MAPRE2: variants seen among roughly 807,000 people sequenced by gnomAD.
The protein encoded by MAPRE2 is microtubule associated protein RP/EB family member 2.
Under a neutral mutation model 43.2 loss-of-function variants are expected in MAPRE2, and 13 were observed. The ratio of observed to expected loss-of-function variants is 0.30; its 90% CI spans 0.20 to 0.48. MAPRE2 has a LOEUF of 0.48. Among genes scored for constraint, MAPRE2 ranks in the 20% least tolerant of loss-of-function variants. The pLI is 0.99. For synonymous variants in MAPRE2, 135 were observed against 148.8 expected (o/e 0.91, Z 0.68); for missense variants, 161 against 400.2 (o/e 0.40, Z 5.10).
intron 2 of MAPRE2, among the ~76,000 whole-genome samples, chr18:35,007,881 C>G (rs2097032574): frequency 6.6e-6 from 1 of 152,032 alleles, no homozygotes; most frequent in Non-Finnish European, 1.5e-5. Flanking sequence ...AGATCCGCAA[C>G]CAAAAGTAAA....
intron 4 of MAPRE2, among the ~76,000 whole-genome samples, chr18:35,105,065 G>A (rs1406774026): frequency 6.6e-6 from 1 of 151,886 alleles, no homozygotes; most frequent in East Asian, 1.9e-4. Context: ...CTGTTACTAT[G>A]CTACCTTGGC....
chr18:35,116,099 C>A (rs982577710), intron 4 of MAPRE2, among the ~76,000 whole-genome samples: 1 of 152,092 alleles, frequency 6.6e-6, no homozygotes, highest in Non-Finnish European at 1.5e-5. Flanking sequence ...GTAATAGAGG[C>A]GAGTTCCTTC....
At chr18:35,051,286 G>A (rs1209162944) in intron 1 of MAPRE2, among the ~76,000 whole-genome samples, 4 of 152,196 alleles carry the variant, frequency 2.6e-5, no homozygotes, top group African/African-American at 9.7e-5. Flanking sequence ...GGGTCTGGCA[G>A]GAGAAGGGAA....
intron 2 of MAPRE2, among the ~76,000 whole-genome samples, chr18:35,015,888 G>A (rs77887933): frequency 0.041 from 6,163 of 151,772 alleles, 192 homozygotes; most frequent in South Asian, 0.11. Flanking sequence ...TGACGTTTTG[G>A]GTATAACTGA....
intron 1 of MAPRE2, among the ~76,000 whole-genome samples, chr18:34,995,474 A>T (rs1434465366): frequency 1.3e-5 from 2 of 152,194 alleles, no homozygotes; most frequent in Non-Finnish European, 2.9e-5. Flanking sequence ...CAGAGGAAAA[A>T]ATAACAAATT....
chr18:34,985,442 T>G (rs1281805006), intron 1 of MAPRE2, among the ~76,000 whole-genome samples: 2 of 45,468 alleles, frequency 4.4e-5, no homozygotes, highest in Non-Finnish European at 7.4e-5. Flanking sequence ...TTATATATTA[T>G]ATTTATATAA....
intron 1 of MAPRE2, chr18:35,041,897 C>T: frequency 1.1e-6 from 1 of 920,858 alleles, no homozygotes; most frequent in African/African-American, 1.7e-5. Flanking sequence ...CGAGGGGTCT[C>T]CCTCCATCTC....
chr18:35,069,346 GTAAT>G (rs1188027827), intron 1 of MAPRE2, among the ~76,000 whole-genome samples: 1 of 151,816 alleles, frequency 6.6e-6, no homozygotes, highest in African/African-American at 2.4e-5. Flanking sequence ...TTTGATATAA[GTAAT>G]TATTTTCATT....
At chr18:35,072,336 A>G (rs538373070) in intron 2 of MAPRE2, among the ~76,000 whole-genome samples, 2 of 152,242 alleles carry the variant, frequency 1.3e-5, no homozygotes, top group Non-Finnish European at 2.9e-5. Context: ...GCAATTTGCA[A>G]CTGCTAAGGG....
chr18:35,041,408 G>A (rs1157914779), upstream of MAPRE2: 3 of 1,537,462 alleles, frequency 2.0e-6, no homozygotes, highest in Admixed American at 3.9e-5. Flanking sequence ...GCGAGCGAGA[G>A]CTGGGAGAAG....
chr18:35,118,753 C>T (rs1459494350), intron 4 of MAPRE2, among the ~76,000 whole-genome samples: 1 of 152,170 alleles, frequency 6.6e-6, no homozygotes, highest in African/African-American at 2.4e-5. Context: ...ACCTGCCCTT[C>T]CAGTACATCT....
rs566572860 is a variant in MAPRE2, at chr18:35,071,834, C to A, written c.250+1512C>A. On this transcript the variant is annotated intron_variant, in intron 2 of 6. Transcript: ENST00000300249. ...CTTTTCCCTGTGATCATTTTTCCCA[C>A]GAGGAAGACAGTAAGGTTGGCCAGA... 8.7e-4 allele frequency among the ~76,000 whole-genome samples: 133 copies of A among 152,278 alleles called. 2 individuals carry two copies. The South Asian group carries it at 0.017, about 19-fold the overall frequency.
intron 1 of MAPRE2, among the ~76,000 whole-genome samples, chr18:35,003,046 A>T (rs2150579517): frequency 6.6e-6 from 1 of 152,226 alleles, no homozygotes; most frequent in East Asian, 1.9e-4. Context: ...CATTTATGCC[A>T]TGATCCATTT....
chr18:34,996,479 G>T (rs1467806574), intron 1 of MAPRE2, among the ~76,000 whole-genome samples: 1 of 152,164 alleles, frequency 6.6e-6, no homozygotes, highest in African/African-American at 2.4e-5. Flanking sequence ...TAAGTCCTGG[G>T]TGGCTGTTCT....
chr18:35,011,224 G>A (rs921222360), intron 2 of MAPRE2, among the ~76,000 whole-genome samples: 1 of 152,176 alleles, frequency 6.6e-6, no homozygotes, highest in Non-Finnish European at 1.5e-5. Flanking sequence ...CAGAACTGGT[G>A]TGCAGAGGCC....
chr18:35,087,456 C>T (rs1396433707), intron 2 of MAPRE2, among the ~76,000 whole-genome samples: 1 of 152,148 alleles, frequency 6.6e-6, no homozygotes, highest in Non-Finnish European at 1.5e-5. Flanking sequence ...TACTTTTCTG[C>T]AGACTTGGTC....
intron 2 of MAPRE2, among the ~76,000 whole-genome samples, chr18:35,088,074 C>T (rs907079605): frequency 1.3e-5 from 2 of 152,200 alleles, no homozygotes; most frequent in African/African-American, 2.4e-5. Flanking sequence ...GGTCCTACCT[C>T]TTAATTACCA....
chr18:34,983,245 T>G (rs1173462527), intron 1 of MAPRE2, among the ~76,000 whole-genome samples: 1 of 152,264 alleles, frequency 6.6e-6, no homozygotes, highest in Non-Finnish European at 1.5e-5. Flanking sequence ...TAGTTTATTT[T>G]CATATTCTTC....
intron 1 of MAPRE2, among the ~76,000 whole-genome samples, chr18:35,043,058 T>C (rs762225718): frequency 6.6e-6 from 1 of 152,192 alleles, no homozygotes; most frequent in Non-Finnish European, 1.5e-5. Flanking sequence ...TGTGTTGATA[T>C]GGCATTCTTA....
Sources: gnomAD v4.1 joint callset for allele counts (sites outside exome capture counted in the v4.1 genomes callset) on GRCh38, gnomAD v4.1.1 for gene constraint, MANE v1.5 for transcripts, NCBI Gene and HGNC (gene_info 2026-07-23, HGNC 2026-07-21) for gene names.